ZC3H11A: variants seen among roughly 807,000 people sequenced by gnomAD.
The protein encoded by ZC3H11A is zinc finger CCCH-type containing 11A, also known as zinc finger CCCH domain-containing protein 11A.
Under a neutral mutation model 90.8 loss-of-function variants are expected in ZC3H11A, and 22 were observed. That is an observed-to-expected ratio of 0.24 (90% CI 0.17 to 0.35). The LOEUF (loss-of-function observed/expected upper bound fraction) is 0.35. ZC3H11A is among the 10% of genes least tolerant of loss of function. The probability of loss-of-function intolerance (pLI) is 1.00; values close to 1 mark genes in which losing one functional copy is unlikely to be tolerated. For missense variants in ZC3H11A, 701 were observed against 964.9 expected, an observed-to-expected ratio of 0.73 and a Z score of 3.62; for synonymous variants, 294 against 339.8, an observed-to-expected ratio of 0.87 and a Z score of 1.48.
At position 203,853,174 on chromosome 1, in the gene ZC3H11A, C is replaced by T. The variant is rs2785995; in HGVS notation, c.*775C>T. On this transcript the variant is annotated 3_prime_UTR_variant, in exon 18 of 18. Coordinates refer to ENST00000367210, the MANE Select transcript of ZC3H11A (RefSeq NM_001376342.1). ...AATTCTTTTTTAGTATGAAAATTGTCCTTTTTCTTCTTCAGTACTTGCCTC... is the reference window on the plus strand; with the variant it reads ...AATTCTTTTTTAGTATGAAAATTGTTCTTTTTCTTCTTCAGTACTTGCCTC... 1 of 151,712 alleles carries T rather than the reference C, an allele frequency of 6.6e-6. No homozygotes were observed. The highest frequency in any genetic ancestry group is 2.1e-4 in the South Asian group (1 of 4,784). 9.4% of individuals were successfully genotyped at this position (151,712 alleles called of 1,614,324 possible).
At chr1:203,833,744 C>T (rs1239089495) in intron 9 of ZC3H11A, 47 bp from the exon 10 acceptor site, 2 of 1,541,804 alleles carry the variant, frequency 1.3e-6, no homozygotes, top group South Asian at 1.2e-5. Context: ...TTACTGAATA[C>T]AGAAAAATTG....
At chr1:203,840,083 C>T (rs1479435428) in intron 11 of ZC3H11A, among the ~76,000 whole-genome samples, 1 of 151,692 alleles carries the variant, frequency 6.6e-6, no homozygotes, top group East Asian at 1.9e-4. Flanking sequence ...GGATTACAAG[C>T]GTGAGCCACT....
chr1:203,851,839 C>T (rs144781852), intron 17 of ZC3H11A, among the ~76,000 whole-genome samples: 219 of 151,684 alleles, frequency 1.4e-3, no homozygotes, highest in African/African-American at 5.0e-3. Flanking sequence ...CATGGTGACA[C>T]ACACCTGTAG....
intron 10 of ZC3H11A, among the ~76,000 whole-genome samples, chr1:203,836,476 G>A (rs1055287846): frequency 6.6e-5 from 10 of 152,268 alleles, no homozygotes; most frequent in Middle Eastern, 3.4e-3. Flanking sequence ...AAGGCTGGGC[G>A]CGGTAGCTTA....
chr1:203,837,885 A>G (rs910548742), intron 10 of ZC3H11A, 81 bp from the exon 11 acceptor site: 39 of 1,299,004 alleles, frequency 3.0e-5, no homozygotes, highest in Non-Finnish European at 4.0e-5. Context: ...GAATTATGCT[A>G]TGTTGTCTGT....
Position 203,838,057 on chromosome 1 carries a change from A to C in ZC3H11A, c.966A>C (p.Pro322=). 1 of 1,614,154 alleles carries C rather than the reference A, an allele frequency of 6.2e-7. No individual in the cohort carries two copies. Among genetic ancestry groups the C allele is most frequent in the Non-Finnish European group, 8.5e-7 (1 of 1,179,988 alleles). The change falls in exon 11 of 18, where the codon CCA becomes CCC. Residue 322 remains proline (P), a synonymous_variant. Transcript: ENST00000367210. ...CAGAAACTAACATTGACAAAACACC[A>C]AAGAAAGGTACCTGTGTTCTTACAT... ...EAPETNIDKT[P]KKAQVSKSLK...
chr1:203,799,763 G>C, intron 1 of ZC3H11A: 3 of 928,418 alleles, frequency 3.2e-6, no homozygotes, highest in South Asian at 2.8e-5. Flanking sequence ...GTTTATCTCT[G>C]AAACTTGAAA....
intron 2 of ZC3H11A, chr1:203,805,914 G>T: frequency 1.5e-6 from 1 of 677,930 alleles, no homozygotes; most frequent in Non-Finnish European, 2.8e-6. Context: ...TCACTTGCTT[G>T]TCTACCTTCA....
chr1:203,845,449 A>G (rs1687622684), intron 12 of ZC3H11A, among the ~76,000 whole-genome samples: 1 of 152,238 alleles, frequency 6.6e-6, no homozygotes, highest in African/African-American at 2.4e-5. Context: ...GTACCTAAAT[A>G]CAGTCGTTGT....
At chr1:203,803,753 G>GC (rs2102463271) in intron 2 of ZC3H11A, among the ~76,000 whole-genome samples, 1 of 152,172 alleles carries the variant, frequency 6.6e-6, no homozygotes, top group South Asian at 2.1e-4. Context: ...CTACAGGTGT[G>GC]CCCCACTGTA....
At chr1:203,833,378 A>ACAAC (rs1468526328) in intron 9 of ZC3H11A, among the ~76,000 whole-genome samples, 1 of 148,510 alleles carries the variant, frequency 6.7e-6, no homozygotes, top group Non-Finnish European at 1.5e-5. Context: ...AAAAAAAAAA[A>ACAAC]AAAAAACACC....
chr1:203,829,013 G>A (rs17482792), intron 5 of ZC3H11A, among the ~76,000 whole-genome samples: 16,976 of 152,206 alleles, frequency 0.11, 1,180 homozygotes, highest in Non-Finnish European at 0.15. Flanking sequence ...CAGTTGCTAC[G>A]TGATTAAAAT....
chr1:203,796,524 ATTG>A, intron 1 of ZC3H11A: 1 of 398,888 alleles, frequency 2.5e-6, no homozygotes, highest in Non-Finnish European at 4.4e-6. Flanking sequence ...GAAGGCCTAT[ATTG>A]TTGACATCTT....
At chr1:203,834,293 CAA>C (rs1462138821) in intron 10 of ZC3H11A, among the ~76,000 whole-genome samples, 1 of 152,082 alleles carries the variant, frequency 6.6e-6, no homozygotes, top group Non-Finnish European at 1.5e-5. Context: ...TATTTAGAGA[CAA>C]GAGTCTTGTT....
chr1:203,826,834 T>G (rs1680682381), intron 4 of ZC3H11A, among the ~76,000 whole-genome samples: 1 of 152,178 alleles, frequency 6.6e-6, no homozygotes, highest in South Asian at 2.1e-4. Context: ...TATTAAAATG[T>G]ATCTAGAAAA....
At chr1:203,837,458 T>TTC (rs1387449457) in intron 10 of ZC3H11A, among the ~76,000 whole-genome samples, 42 of 151,944 alleles carry the variant, frequency 2.8e-4, no homozygotes, top group Non-Finnish European at 1.5e-5. Flanking sequence ...GTCTCTCTTT[T>TTC]TTTTTTTTTC....
intron 2 of ZC3H11A, among the ~76,000 whole-genome samples, chr1:203,809,366 G>A (rs960814567): frequency 3.3e-5 from 5 of 150,822 alleles, no homozygotes; most frequent in Admixed American, 2.6e-4. Flanking sequence ...TAGTAGAGGC[G>A]GTGTTTCACC....
chr1:203,823,358 T>C (rs892413208), intron 4 of ZC3H11A, among the ~76,000 whole-genome samples: 6 of 152,210 alleles, frequency 3.9e-5, no homozygotes, highest in Admixed American at 6.5e-5. Context: ...AATGCAGCAA[T>C]GCATGTGTGG....
Position 203,840,462 on chromosome 1 carries a change from A to G in ZC3H11A, c.1042+88A>G, listed in dbSNP as rs569917018. On this transcript the variant is annotated intron_variant, in intron 12 of 17. Transcript: ENST00000367210. ...TTCTCAGATTTACCTGTTGCTTGCTAGGGCTTTTGATTTTTGTTCTTTTGT... is the reference window on the plus strand; with the variant it reads ...TTCTCAGATTTACCTGTTGCTTGCTGGGGCTTTTGATTTTTGTTCTTTTGT... The G allele has an allele frequency of 3.3e-4, 447 of 1,337,368 alleles. 4 individuals are homozygous for G. The East Asian group carries it at 8.1e-3, about 24-fold the overall frequency. 82.8% of individuals were successfully genotyped at this position (1,337,368 alleles called of 1,614,324 possible). A position where few individuals can be genotyped will look rare whatever the true frequency, so the allele number is the denominator to read the frequency against.
Sources: gnomAD v4.1 joint callset for allele counts (sites outside exome capture counted in the v4.1 genomes callset) on GRCh38, gnomAD v4.1.1 for gene constraint, MANE v1.5 for transcripts, NCBI Gene and HGNC (gene_info 2026-07-23, HGNC 2026-07-21) for gene names.